The following DCTN1 variants were observed in gnomAD, a reference collection of about 807,000 sequenced individuals.
The protein encoded by DCTN1 is dynactin subunit 1, also known as 150 kDa dynein-associated polypeptide.
DCTN1 carries 61 observed loss-of-function variants against 161.2 expected under a neutral mutation model. That is an observed-to-expected ratio of 0.38 (90% CI 0.31 to 0.47). The LOEUF is 0.47. Among genes scored for constraint, DCTN1 ranks in the 20% least tolerant of loss-of-function variants. The probability of loss-of-function intolerance (pLI) is 0.99; values close to 1 mark genes in which losing one functional copy is unlikely to be tolerated. For missense variants in DCTN1, 1,404 were observed against 1,623.7 expected, an observed-to-expected ratio of 0.86 and a Z score of 2.33; for synonymous variants, 653 against 632.4, an observed-to-expected ratio of 1.03 and a Z score of -0.49.
At chr2:74,379,864 G>C (rs1024485892) in intron 1 of DCTN1, 141 bp downstream of exon 1, 19 of 861,248 alleles carry the variant, frequency 2.2e-5, no homozygotes, top group South Asian at 1.4e-4. Flanking sequence ...CCAGGGCTTC[G>C]AGGGCTCCTT....
intron 15 of DCTN1, 49 bp from the exon 16 acceptor site, chr2:74,368,929 C>A: frequency 6.2e-7 from 1 of 1,609,198 alleles, no homozygotes. Context: ...TGAAAGAGCC[C>A]CAAAATTCCC....
At chr2:74,363,678 T>A in intron 26 of DCTN1, 50 bp from the exon 27 acceptor site, 1 of 1,611,342 alleles carries the variant, frequency 6.2e-7, no homozygotes, top group Middle Eastern at 1.7e-4. Flanking sequence ...AGAGAGGAGT[T>A]AGGTGATTTG....
At chr2:74,382,231 T>C (rs974642328), upstream of DCTN1, among the ~76,000 whole-genome samples, 1 of 152,234 alleles carries the variant, frequency 6.6e-6, no homozygotes, top group African/African-American at 2.4e-5. Context: ...ATCTGTTTAT[T>C]TTCCTATGAA....
At chr2:74,376,680 G>A in intron 5 of DCTN1, 62 bp downstream of exon 5, 2 of 1,500,942 alleles carry the variant, frequency 1.3e-6, no homozygotes, top group Admixed American at 1.9e-5. Context: ...GGGACATGCA[G>A]GACAGCTGGG....
intron 5 of DCTN1, chr2:74,374,572 G>C: frequency 7.5e-7 from 1 of 1,327,026 alleles, no homozygotes; most frequent in Middle Eastern, 3.0e-4. Flanking sequence ...CTGACACAGA[G>C]GCCCCCGCAG....
chr2:74,381,483 C>T (rs1675507673), upstream of DCTN1, among the ~76,000 whole-genome samples: 1 of 152,186 alleles, frequency 6.6e-6, no homozygotes, highest in African/African-American at 2.4e-5. Flanking sequence ...TGGCCAGACC[C>T]CCTAGGAAAT....
At chr2:74,383,099 T>C (rs149005728), upstream of DCTN1, among the ~76,000 whole-genome samples, 7 of 149,326 alleles carry the variant, frequency 4.7e-5, no homozygotes, top group African/African-American at 7.5e-5. Flanking sequence ...AAAAAATAAA[T>C]AAATAAAATA....
chr2:74,374,244 G>GCCCCCCCCCCC (rs1573172039), intron 6 of DCTN1, 79 bp downstream of exon 6: 1 of 1,481,136 alleles, frequency 6.8e-7, no homozygotes, highest in Non-Finnish European at 9.4e-7. Context: ...AAGTCAATCA[G>GCCCCCCCCCCC]CCCCCACCCC....
chr2:74,365,358 C>A (rs1391073018), intron 25 of DCTN1, 117 bp from the exon 26 acceptor site: 1 of 1,556,098 alleles, frequency 6.4e-7, no homozygotes, highest in Non-Finnish European at 8.8e-7. Flanking sequence ...CAGAGCAGCA[C>A]AGGCTTAGGC....
chr2:74,377,868 T>A, intron 2 of DCTN1, 132 bp downstream of exon 2: 1 of 1,475,950 alleles, frequency 6.8e-7, no homozygotes, highest in Non-Finnish European at 9.4e-7. Context: ...CAATCTTCCC[T>A]CCCCCACTAC....
In DCTN1 at chr2:74,367,960, G is replaced by A. The variant is rs746673234; in HGVS notation, c.2015+11C>T. On this transcript the variant is annotated intron_variant, in intron 17 of 31. Coordinates refer to ENST00000628224, the MANE Select transcript of DCTN1 (RefSeq NM_004082.5). Reference sequence around the variant, plus strand: ...CCCCACCCTGGGGTGAGGGAGTCAGGAGTCACTTACTGCTCATAGCGGTGT... The same window carrying A: ...CCCCACCCTGGGGTGAGGGAGTCAGAAGTCACTTACTGCTCATAGCGGTGT... The A allele has an allele frequency of 3.1e-6, 5 of 1,614,244 alleles. No homozygotes were observed. Among genetic ancestry groups the A allele is most frequent in the South Asian group, 1.1e-5 (1 of 91,080 alleles).
chr2:74,361,385 G>T lies in DCTN1; in HGVS notation c.*114C>A. On this transcript the variant is annotated 3_prime_UTR_variant, in exon 32 of 32. Coordinates refer to ENST00000628224, the MANE Select transcript of DCTN1 (RefSeq NM_004082.5). ...AAGGGTGGGAGTGAAGCTGAACGGG[G>T]CAGGAAGAGCTTAACCCACGTTTCT... 1 of 1,462,676 alleles carries T rather than the reference G, an allele frequency of 6.8e-7. No individual in the cohort carries two copies. Among genetic ancestry groups the T allele is most frequent in the Non-Finnish European group, 9.4e-7 (1 of 1,062,132 alleles). 90.6% of individuals were successfully genotyped at this position (1,462,676 alleles called of 1,614,324 possible).
At position 74,370,837 on chromosome 2, in the gene DCTN1, G is replaced by A; in HGVS notation, c.844-12C>T. The A allele has an allele frequency of 6.2e-7, 1 of 1,614,182 alleles. No individual in the cohort carries two copies. Among genetic ancestry groups the A allele is most frequent in the Non-Finnish European group, 8.5e-7 (1 of 1,180,020 alleles). On this transcript the variant is annotated splice_polypyrimidine_tract_variant and intron_variant, in intron 9 of 31. Coordinates refer to ENST00000628224, the MANE Select transcript of DCTN1 (RefSeq NM_004082.5). This position sits in a 1 kb window ranked among gnomAD's most constrained non-coding sequence, Gnocchi z 4.4. ...GCCTCCTTGGCTTCCTGAGGAAGAA[G>A]TGGAGGTGGGAGGGGGTACCAGCAC...
At chr2:74,371,295 A>G in intron 8 of DCTN1, 119 bp from the exon 9 acceptor site, 1 of 1,595,450 alleles carries the variant, frequency 6.3e-7, no homozygotes, top group Non-Finnish European at 8.5e-7. Context: ...GGTGGCCAAC[A>G]GTCAGTGGCA....
intron 26 of DCTN1, 64 bp from the exon 27 acceptor site, chr2:74,363,692 GT>G: frequency 6.2e-7 from 1 of 1,603,614 alleles, no homozygotes; most frequent in African/African-American, 1.3e-5. Context: ...TGATTTGGGG[GT>G]TACGGGGACA....
chr2:74,363,012 T>C lies in DCTN1; in HGVS notation c.3511A>G (p.Ile1171Val), dbSNP rs375230951. The C allele has an allele frequency of 5.3e-5, 85 of 1,613,486 alleles. No homozygotes were observed. The South Asian group carries it at 8.1e-4, about 15-fold the overall frequency. Residue 1171 changes from isoleucine (I) to valine (V), a missense_variant, in exon 29 of 32, where the codon ATC becomes GTC. Ile to Val is a conservative substitution (Grantham distance 29). Coordinates refer to ENST00000628224, the MANE Select transcript of DCTN1 (RefSeq NM_004082.5). ...TACATACCAGGGCTGGTGCGAGTGA[T>C]GTCTACTACGTGCGTGTGTGTGCTC... ...QLSTHTHVVD[I>V]TRTSPAAKSP...
At chr2:74,363,538 G>A in intron 27 of DCTN1, 76 bp downstream of exon 27, 1 of 1,599,632 alleles carries the variant, frequency 6.3e-7, no homozygotes, top group Non-Finnish European at 8.5e-7. Context: ...CTCCAGTCCT[G>A]GCTTCCCCCT....
chr2:74,362,247 T>C (rs1674061431), intron 30 of DCTN1, 106 bp from the exon 31 acceptor site: 7 of 928,402 alleles, frequency 7.5e-6, no homozygotes, highest in Non-Finnish European at 1.0e-5. Flanking sequence ...GGCAGGGACT[T>C]AGTCCTCTAT....
rs1052012570 is a variant in DCTN1 at position 74,362,107 on chromosome 2, G to A, written c.3644C>T (p.Pro1215Leu). 1 of 1,613,748 alleles carries A rather than the reference G, an allele frequency of 6.2e-7. No individual in the cohort carries two copies. Among genetic ancestry groups the A allele is most frequent in the African/African-American group, 1.3e-5 (1 of 74,886 alleles). The part of the protein sequence containing the change: ...EVLKETVSQR[P>L]GATVPTDFAT... The stretch of plus-strand genomic sequence containing the variant: ...AAAGTCAGTGGGTACTGTGGCTCCA[G>A]GGCGCTGAGATACTGTCTCCTTGAG... Residue 1215 changes from proline to leucine, a missense_variant, in exon 31 of 32, where the codon CCT becomes CTT. Pro to Leu is a moderately conservative substitution (Grantham distance 98). This residue lies in a region of DCTN1 where 311 missense variants were observed against 298.9 expected (regional missense o/e 1.04). Coordinates refer to ENST00000628224, the MANE Select transcript of DCTN1 (RefSeq NM_004082.5).
Sources: gnomAD v4.1 joint callset for allele counts (sites outside exome capture counted in the v4.1 genomes callset) on GRCh38, gnomAD v4.1.1 for gene constraint, gnomAD v4.1.1 regional missense constraint, Gnocchi (gnomAD v3.1) non-coding constraint, MANE v1.5 for transcripts, NCBI Gene and HGNC (gene_info 2026-07-23, HGNC 2026-07-21) for gene names.